PSMA5: variants seen among roughly 807,000 people sequenced by gnomAD.
PSMA5 encodes proteasome 20S subunit alpha 5.
PSMA5 carries 3 observed loss-of-function variants against 34.5 expected under a neutral mutation model. The ratio of observed to expected loss-of-function variants is 0.09; its 90% CI spans 0.04 to 0.22. PSMA5 has a LOEUF of 0.22. Ranked by LOEUF, PSMA5 falls within the 10% of genes least tolerant of loss-of-function variation. The pLI, the probability that PSMA5 is intolerant of heterozygous loss-of-function variation, is 1.00. For missense variants in PSMA5, 120 were observed against 286.1 expected (o/e 0.42, Z 4.19); for synonymous variants, 88 against 95.8 (o/e 0.92, Z 0.47).
At chr1:109,414,703 A>G (rs1654123921) in intron 3 of PSMA5, 1 of 152,266 alleles carries the variant, frequency 6.6e-6, no homozygotes, top group African/African-American at 2.4e-5. Context: ...GATGCCTTCA[A>G]GCAATTAATT....
At chr1:109,402,763 T>C (rs1222409320) in intron 8 of PSMA5, among the ~76,000 whole-genome samples, 1 of 152,246 alleles carries the variant, frequency 6.6e-6, no homozygotes, top group Admixed American at 6.5e-5. Flanking sequence ...TGGAGTGCAA[T>C]GGCGTGATCT....
In PSMA5 at chr1:109,426,418, A is replaced by C; in HGVS notation, c.-88T>G. On this transcript the variant is annotated 5_prime_UTR_variant, in exon 1 of 9. Transcript: ENST00000271308. ...CACCCAACTCACCGGCAGCCAACTC[A>C]CCCACACGGCCGCAGTACTAAGGAC... The C allele has an allele frequency of 9.8e-6, 15 of 1,535,364 alleles. No homozygotes were observed. The highest frequency in any genetic ancestry group is 1.3e-5 in the Non-Finnish European group (14 of 1,108,710).
chr1:109,407,439 T>C (rs1303468636), intron 8 of PSMA5, among the ~76,000 whole-genome samples: 4 of 152,178 alleles, frequency 2.6e-5, no homozygotes, highest in Admixed American at 6.5e-5. Flanking sequence ...CAGCAGCCTA[T>C]GAAAGCTGGT....
chr1:109,412,570 A>T, intron 4 of PSMA5: 1 of 172,772 alleles, frequency 5.8e-6, no homozygotes, highest in South Asian at 1.6e-4. Context: ...AGTACAAAAA[A>T]TTTTACCATG....
chr1:109,401,981 T>G lies in PSMA5; in HGVS notation c.*32A>C, dbSNP rs754958195. The stretch of plus-strand genomic sequence containing the variant: ...TTAAGGACATTATTAGAACTGAAAT[T>G]GTCCCAGAGAAGTTCTGAGGATCAG... On this transcript the variant is annotated 3_prime_UTR_variant, in exon 9 of 9. Coordinates refer to ENST00000271308, the MANE Select transcript of PSMA5 (RefSeq NM_002790.4). 6.6e-7 allele frequency: 1 copy of G among 1,507,118 alleles called. No homozygotes were observed. Among genetic ancestry groups the G allele is most frequent in the South Asian group, 1.2e-5 (1 of 86,736 alleles). 93.4% of individuals were successfully genotyped at this position (1,507,118 alleles called of 1,614,324 possible).
At chr1:109,412,375 C>T (rs1654024707) in intron 4 of PSMA5, 191 bp from the exon 5 acceptor site, 1 of 551,398 alleles carries the variant, frequency 1.8e-6, no homozygotes, top group Non-Finnish European at 3.2e-6. Context: ...ATAAACATAT[C>T]ACAAGGACTC....
intron 2 of PSMA5, among the ~76,000 whole-genome samples, chr1:109,416,899 G>C (rs1431996890): frequency 1.3e-5 from 2 of 152,198 alleles, no homozygotes; most frequent in African/African-American, 4.8e-5. Context: ...GAGTCCAGGA[G>C]TTCAAGACCA....
At chr1:109,414,989 A>T in intron 3 of PSMA5, 1 of 389,944 alleles carries the variant, frequency 2.6e-6, no homozygotes, top group Non-Finnish European at 4.6e-6. Flanking sequence ...CAACCTTTGC[A>T]TATTTCAACA....
intron 2 of PSMA5, among the ~76,000 whole-genome samples, chr1:109,418,684 A>G (rs1439862078): frequency 6.6e-6 from 1 of 152,098 alleles, no homozygotes; most frequent in Non-Finnish European, 1.5e-5. Flanking sequence ...GGCTCAAGTG[A>G]TTCTCCTCCC....
chr1:109,404,859 T>C (rs769880241), intron 8 of PSMA5, among the ~76,000 whole-genome samples: 2 of 152,194 alleles, frequency 1.3e-5, no homozygotes, highest in Non-Finnish European at 2.9e-5. Context: ...GCCAAATGTG[T>C]TCAATGTCAG....
intron 8 of PSMA5, among the ~76,000 whole-genome samples, chr1:109,409,120 A>C (rs1254064768): frequency 4.6e-5 from 7 of 152,162 alleles, no homozygotes; most frequent in African/African-American, 1.7e-4. Context: ...AGAAAGCAGC[A>C]TACTATTGTT....
intron 7 of PSMA5, among the ~76,000 whole-genome samples, chr1:109,410,461 A>G (rs1307686654): frequency 6.6e-6 from 1 of 152,234 alleles, no homozygotes; most frequent in Non-Finnish European, 1.5e-5. Context: ...ATTAGGAGCT[A>G]ATGTGAGCAG....
chr1:109,410,080 T>G (rs2100960026), intron 7 of PSMA5, 66 bp from the exon 8 acceptor site: 1 of 1,096,100 alleles, frequency 9.1e-7, no homozygotes, highest in East Asian at 2.4e-5. Flanking sequence ...TTCAAAGATT[T>G]TCCCTTTATC....
intron 3 of PSMA5, 57 bp downstream of exon 3, chr1:109,415,180 T>A: frequency 6.4e-7 from 1 of 1,559,376 alleles, no homozygotes; most frequent in East Asian, 2.3e-5. Flanking sequence ...TGGAACATCA[T>A]AGAGGACTAA....
At position 109,415,269 on chromosome 1, in the gene PSMA5, A is replaced by G; in HGVS notation, c.191T>C (p.Ile64Thr). 4 of 1,613,960 alleles carry G rather than the reference A, an allele frequency of 2.5e-6. No individual in the cohort carries two copies. Among genetic ancestry groups the G allele is most frequent in the Non-Finnish European group, 3.4e-6 (4 of 1,179,882 alleles). ...ITSPLMEPSS[I>T]EKIVEIDAHI... is the part of the protein sequence containing the mutation. Reference sequence around the variant, plus strand: ...AGCATCAATCTCTACAATTTTCTCAATGCTGCTGGGCTCCATCAGTGGGGA... The same window carrying G: ...AGCATCAATCTCTACAATTTTCTCAGTGCTGCTGGGCTCCATCAGTGGGGA... The change falls in exon 3 of 9, where the codon ATT becomes ACT. Residue 64 changes from isoleucine (I) to threonine (T), a missense_variant. Physicochemically the swap from Ile to Thr is moderately conservative, Grantham distance 89. This residue lies in a region of PSMA5 where 20 missense variants were observed against 19.4 expected (regional missense o/e 1.03). Coordinates refer to ENST00000271308, the MANE Select transcript of PSMA5 (RefSeq NM_002790.4).
intron 8 of PSMA5, 43 bp downstream of exon 8, chr1:109,409,885 A>T (rs565163178): frequency 3.1e-5 from 38 of 1,211,432 alleles, no homozygotes; most frequent in Middle Eastern, 2.2e-4. Context: ...CTCATCTCTT[A>T]AAAAAAAAAC....
At position 109,411,123 on chromosome 1, in the gene PSMA5, C is replaced by T. The variant is rs868273823; in HGVS notation, c.459-10G>A. 6.9e-6 allele frequency: 11 copies of T among 1,602,504 alleles called. No homozygotes were observed. The highest frequency in any genetic ancestry group is 1.3e-5 in the African/African-American group (1 of 74,732). On this transcript the variant is annotated splice_polypyrimidine_tract_variant and intron_variant, in intron 6 of 8. Coordinates refer to ENST00000271308, the MANE Select transcript of PSMA5 (RefSeq NM_002790.4). ...TGGGTCCATATGAAACCTGCAAAAC[C>T]CCCAAAATGAGGACTAAAATGCTCA...
At chr1:109,413,824 T>C (rs577468148) in intron 3 of PSMA5, among the ~76,000 whole-genome samples, 2 of 152,330 alleles carry the variant, frequency 1.3e-5, no homozygotes, top group East Asian at 3.9e-4. Flanking sequence ...GATCACAAGT[T>C]CTGTCAATTT....
chr1:109,417,761 T>A (rs564966456), intron 2 of PSMA5, among the ~76,000 whole-genome samples: 11 of 152,308 alleles, frequency 7.2e-5, no homozygotes, highest in African/African-American at 2.6e-4. Context: ...TCCTGAGCAA[T>A]GTTTTTCAAA....
Sources: allele counts gnomAD v4.1 joint callset (sites outside exome capture counted in the v4.1 genomes callset), GRCh38; gene constraint gnomAD v4.1.1; regional missense constraint gnomAD v4.1.1; transcripts MANE v1.5; gene names NCBI Gene and HGNC (gene_info 2026-07-23, HGNC 2026-07-21).